The following SNX27 variants were observed in gnomAD, a reference collection of about 807,000 sequenced individuals.
SNX27 encodes the protein sorting nexin-27.
SNX27 carries 22 observed loss-of-function variants against 71.6 expected under a neutral mutation model. The observed-to-expected ratio is 0.31, with a 90% confidence interval of 0.22 to 0.44. The LOEUF (loss-of-function observed/expected upper bound fraction) is 0.44. Among genes scored for constraint, SNX27 ranks in the 20% least tolerant of loss-of-function variants. The pLI, the probability that SNX27 is intolerant of heterozygous loss-of-function variation, is 1.00. For missense variants in SNX27, 531 were observed against 698.6 expected, an observed-to-expected ratio of 0.76 and a Z score of 2.70; for synonymous variants, 269 against 277.2, an observed-to-expected ratio of 0.97 and a Z score of 0.29.
In SNX27 at chr1:151,652,927, C is replaced by CT. The variant is rs34826631; in HGVS notation, c.544-5291dup. 4.9e-3 allele frequency among the ~76,000 whole-genome samples: 536 copies of CT among 109,434 alleles called. 4 individuals are homozygous for CT. Among genetic ancestry groups the CT allele is most frequent in the African/African-American group, 0.016 (492 of 30,864 alleles). 71.8% of individuals were successfully genotyped at this position (109,434 alleles called of 152,430 possible). On this transcript the variant is annotated intron_variant, in intron 2 of 11. Transcript: ENST00000458013. ...TATCTCTTGACATAATGTTGGGTTT[C>CT]TTTTTTTTTTTTTTTTTGAGATGGA...
At position 151,639,251 on chromosome 1, in the gene SNX27, C is replaced by T. The variant is rs1668611765; in HGVS notation, c.543+132C>T. On this transcript the variant is annotated intron_variant, in intron 2 of 11. Transcript: ENST00000458013. ...TTTGTCTACCAGGAGGATGAGTTCA[C>T]ACATAAATAAAAGACACTGACCCTG... 4.2e-6 allele frequency: 3 copies of T among 710,490 alleles called. No individual in the cohort carries two copies. The African/African-American group carries it at 5.4e-5, about 13-fold the overall frequency. 44.0% of individuals were successfully genotyped at this position (710,490 alleles called of 1,614,324 possible).
chr1:151,680,083 A>T (rs1467099543), intron 7 of SNX27: 2 of 151,896 alleles, frequency 1.3e-5, no homozygotes, highest in African/African-American at 4.8e-5. Flanking sequence ...AATTAAAAAA[A>T]TTTAAGAAGA....
intron 8 of SNX27, among the ~76,000 whole-genome samples, chr1:151,687,583 G>C (rs886884708): frequency 6.6e-6 from 1 of 152,160 alleles, no homozygotes; most frequent in Non-Finnish European, 1.5e-5. Flanking sequence ...TGGGAGAACA[G>C]AGAGTTCTCT....
At chr1:151,641,629 ATC>A (rs2102638634) in intron 2 of SNX27, among the ~76,000 whole-genome samples, 1 of 120,072 alleles carries the variant, frequency 8.3e-6, no homozygotes, top group African/African-American at 3.0e-5. Flanking sequence ...ATATATATAT[ATC>A]ATATGTATCA....
chr1:151,657,821 T>C (rs1571831794), intron 2 of SNX27, among the ~76,000 whole-genome samples: 1 of 152,052 alleles, frequency 6.6e-6, no homozygotes. Flanking sequence ...GCCAACATGG[T>C]GAAACCCCTT....
At chr1:151,615,751 A>G (rs990529598) in intron 1 of SNX27, 1 of 984,192 alleles carries the variant, frequency 1.0e-6, no homozygotes, top group Non-Finnish European at 1.2e-6. Context: ...TGTGTTTACA[A>G]ATTGTTTTTG....
intron 1 of SNX27, among the ~76,000 whole-genome samples, chr1:151,624,064 G>A (rs553026370): frequency 6.6e-6 from 1 of 152,140 alleles, no homozygotes; most frequent in East Asian, 1.9e-4. Flanking sequence ...CTGGGCTCAA[G>A]TGATCCTTCT....
rs1020516642 is a variant in SNX27 at position 151,694,361 on chromosome 1, T to C, written c.1579-9T>C. The C allele has an allele frequency of 3.9e-6, 6 of 1,549,602 alleles. No individual in the cohort carries two copies. Among genetic ancestry groups the C allele is most frequent in the East Asian group, 2.4e-5 (1 of 40,914 alleles). On this transcript the variant is annotated splice_polypyrimidine_tract_variant and intron_variant, in intron 11 of 11. Coordinates refer to ENST00000458013, the MANE Select transcript of SNX27 (RefSeq NM_001330723.2). ...CCTTCCCAATAACTCTTTTTTTTTT[T>C]CCTTTCAGAACATTTTCCAGATGGC...
At chr1:151,648,536 C>T (rs1669169482) in intron 2 of SNX27, among the ~76,000 whole-genome samples, 1 of 151,886 alleles carries the variant, frequency 6.6e-6, no homozygotes, top group South Asian at 2.1e-4. Context: ...TCTTCTGCCT[C>T]AGCCTCCCGA....
At chr1:151,693,561 TG>T in intron 11 of SNX27, 78 bp downstream of exon 11, 2 of 1,612,648 alleles carry the variant, frequency 1.2e-6, no homozygotes, top group Non-Finnish European at 1.7e-6. Flanking sequence ...GCCAAATACC[TG>T]GGACCCTCAC....
intron 6 of SNX27, among the ~76,000 whole-genome samples, chr1:151,667,396 T>G (rs184987632): frequency 1.8e-3 from 276 of 152,194 alleles, no homozygotes; most frequent in Non-Finnish European, 2.7e-3. Context: ...GTTTTCAGTT[T>G]GAGGAATGCT....
chr1:151,617,774 A>G (rs991644256), intron 1 of SNX27, among the ~76,000 whole-genome samples: 2 of 151,982 alleles, frequency 1.3e-5, no homozygotes, highest in African/African-American at 2.4e-5. Flanking sequence ...TCCCTATTTT[A>G]TAAGACAGGA....
intron 8 of SNX27, among the ~76,000 whole-genome samples, chr1:151,691,704 C>T (rs897600334): frequency 6.6e-6 from 1 of 151,872 alleles, no homozygotes; most frequent in Admixed American, 6.6e-5. Flanking sequence ...TCCATCGAGA[C>T]GGGGTTTCAC....
At chr1:151,614,864 A>G (rs1667356323) in intron 1 of SNX27, among the ~76,000 whole-genome samples, 1 of 152,216 alleles carries the variant, frequency 6.6e-6, no homozygotes, top group Non-Finnish European at 1.5e-5. Context: ...TCTGTAGGAG[A>G]CTATAGTTAA....
intron 1 of SNX27, among the ~76,000 whole-genome samples, chr1:151,630,237 C>A (rs1046454516): frequency 6.6e-6 from 1 of 151,856 alleles, no homozygotes; most frequent in African/African-American, 2.4e-5. Context: ...TTGGTCATTG[C>A]CTTAGGATAA....
At chr1:151,616,530 T>C (rs1025225970) in intron 1 of SNX27, among the ~76,000 whole-genome samples, 7 of 152,356 alleles carry the variant, frequency 4.6e-5, no homozygotes, top group Admixed American at 3.3e-4. Context: ...GTATATCAAT[T>C]TGTTTTTTGA....
chr1:151,663,012 A>G (rs891605641), intron 5 of SNX27, among the ~76,000 whole-genome samples: 10 of 152,120 alleles, frequency 6.6e-5, no homozygotes, highest in South Asian at 4.1e-4. Flanking sequence ...TGCCATTATC[A>G]AACCTTAAAA....
chr1:151,679,854 C>T (rs1251819275), intron 7 of SNX27: 4 of 152,000 alleles, frequency 2.6e-5, no homozygotes, highest in African/African-American at 9.7e-5. Flanking sequence ...ATATTTTCAA[C>T]ACAGTAAGTC....
intron 2 of SNX27, among the ~76,000 whole-genome samples, chr1:151,654,496 G>A (rs934540855): frequency 6.6e-6 from 1 of 151,898 alleles, no homozygotes; most frequent in Admixed American, 6.6e-5. Context: ...CTCTCCCCAG[G>A]GGTATAGAGT....
Sources: gnomAD v4.1 joint callset for allele counts (sites outside exome capture counted in the v4.1 genomes callset) on GRCh38, gnomAD v4.1.1 for gene constraint, MANE v1.5 for transcripts, NCBI Gene and HGNC (gene_info 2026-07-23, HGNC 2026-07-21) for gene names.